JPT2: variants seen among roughly 807,000 people sequenced by gnomAD.
JPT2 encodes the protein Jupiter microtubule associated homolog 2.
In JPT2, 9 loss-of-function variants were observed where a neutral mutation model predicts 15.9. The observed-to-expected ratio is 0.57, with a 90% CI of 0.34 to 0.99. JPT2 has a LOEUF of 0.99. Among genes scored for constraint, JPT2 ranks in the 50% least tolerant of loss-of-function variants. The probability of loss-of-function intolerance (pLI) is 0.02; values close to 1 mark genes in which losing one functional copy is unlikely to be tolerated. For missense variants in JPT2, 267 were observed against 252.1 expected (o/e 1.06, Z -0.40); for synonymous variants, 95 against 91.7 (o/e 1.04, Z -0.21).
chr16:1,699,918 T>G lies in JPT2; in HGVS notation c.*920T>G, dbSNP rs1207554927. ...GCTTGTTTAAATTCTTCCTGTGTCT[T>G]TCTTTATTCCTTAATTGGTTGGTGG... is the stretch of plus-strand genomic sequence containing the variant. On this transcript the variant is annotated 3_prime_UTR_variant, in exon 5 of 5. Transcript: ENST00000248098. 1.7e-5 allele frequency: 5 copies of G among 302,870 alleles called. No individual in the cohort carries two copies. Among genetic ancestry groups the G allele is most frequent in the Admixed American group, 3.9e-5 (1 of 25,936 alleles). 18.8% of individuals were successfully genotyped at this position (302,870 alleles called of 1,614,324 possible).
chr16:1,697,892 G>A, intron 4 of JPT2, 32 bp downstream of exon 4: 1 of 1,598,016 alleles, frequency 6.3e-7, no homozygotes, highest in South Asian at 1.1e-5. Flanking sequence ...CTTCTCCTGA[G>A]TGGCCTCATT....
chr16:1,678,517 C>T (rs1465550619), intron 1 of JPT2, among the ~76,000 whole-genome samples, 161 bp downstream of exon 1: 1 of 152,090 alleles, frequency 6.6e-6, no homozygotes, highest in Non-Finnish European at 1.5e-5. Flanking sequence ...TCTGCGCCGC[C>T]GCCAGACCGA....
chr16:1,682,787 C>T lies in JPT2; in HGVS notation c.45-2652C>T, dbSNP rs73501608. Among the ~76,000 whole-genome samples, 559 of 152,252 alleles carry T rather than the reference C, an allele frequency of 3.7e-3. 4 individuals carry two copies. The highest frequency in any genetic ancestry group is 0.013 in the African/African-American group (532 of 41,556). On this transcript the variant is annotated intron_variant, in intron 1 of 4. Transcript: ENST00000248098. ...CCTCACCTAAAATCTTGTTAAGCCA[C>T]GCCCTCCCACCCACCACCCTTTATT... is the stretch of plus-strand genomic sequence containing the variant.
At chr16:1,680,459 G>T in intron 1 of JPT2, 3 of 1,241,460 alleles carry the variant, frequency 2.4e-6, no homozygotes, top group South Asian at 2.7e-5. Context: ...TTCCTTTTAG[G>T]ATGGTGAGGA....
rs1190392142 is a variant in JPT2, at chr16:1,698,959, G to A, written c.534G>A (p.Leu178=). The A allele has an allele frequency of 1.2e-6, 2 of 1,613,786 alleles. No homozygotes were observed. The highest frequency in any genetic ancestry group is 1.7e-6 in the Non-Finnish European group (2 of 1,179,858). The change falls in exon 5 of 5, where the codon CTG becomes CTA. Residue 178 remains leucine (L), a synonymous_variant. Transcript: ENST00000248098. This position sits in a 1 kb window ranked among gnomAD's most constrained non-coding sequence, Gnocchi z 4.9. The part of the protein sequence containing the change: ...GPRPRSHNKV[L]NPPGGKSSIS... ...GGCCTCGCTCTCACAACAAGGTCCT[G>A]AACCCACCGGGAGGCAAATCCAGCA...
intron 1 of JPT2, among the ~76,000 whole-genome samples, chr16:1,678,850 T>C (rs2036996540): frequency 6.6e-6 from 1 of 152,168 alleles, no homozygotes; most frequent in African/African-American, 2.4e-5. Context: ...CGTGTGGCCG[T>C]GTGCCCGTGT....
At chr16:1,683,454 A>C in intron 1 of JPT2, 1 of 1,194,854 alleles carries the variant, frequency 8.4e-7, no homozygotes, top group Non-Finnish European at 1.2e-6. Context: ...TTTTTAAAAA[A>C]TAATTTTTCT....
intron 3 of JPT2, among the ~76,000 whole-genome samples, chr16:1,697,093 T>C (rs1251931877): frequency 6.6e-6 from 1 of 152,254 alleles, no homozygotes; most frequent in Non-Finnish European, 1.5e-5. Flanking sequence ...ACATGTGGTC[T>C]GTCCATACAA....
intron 3 of JPT2, among the ~76,000 whole-genome samples, chr16:1,693,754 T>A (rs572502742): frequency 3.3e-5 from 5 of 151,518 alleles, no homozygotes; most frequent in Non-Finnish European, 5.9e-5. Context: ...TCAGGGAATA[T>A]ACAAAATAAG....
intron 2 of JPT2, among the ~76,000 whole-genome samples, chr16:1,687,708 G>C (rs2037077765): frequency 6.6e-6 from 1 of 152,194 alleles, no homozygotes; most frequent in South Asian, 2.1e-4. Flanking sequence ...CCAGGTTCCT[G>C]CTTCTCATGG....
chr16:1,685,586 A>T lies in JPT2; in HGVS notation c.192A>T (p.Pro64=). 1 of 1,612,354 alleles carries T rather than the reference A, an allele frequency of 6.2e-7. No individual in the cohort carries two copies. The highest frequency in any genetic ancestry group is 8.5e-7 in the Non-Finnish European group (1 of 1,179,532). ...PQNIPKRTNP[P]GGKGSGIFDE... Reference sequence around the variant, plus strand: ...ACATACCCAAGAGGACAAATCCCCCAGGTATGGGCCTTTGGAAATCCTTAA... The same window carrying T: ...ACATACCCAAGAGGACAAATCCCCCTGGTATGGGCCTTTGGAAATCCTTAA... Residue 64 remains proline (P), a splice_region_variant and synonymous_variant, in exon 2 of 5, where the codon CCA becomes CCT. Coordinates refer to ENST00000248098, the MANE Select transcript of JPT2 (RefSeq NM_144570.3).
At chr16:1,694,963 A>G (rs1449978044) in intron 3 of JPT2, among the ~76,000 whole-genome samples, 1 of 152,236 alleles carries the variant, frequency 6.6e-6, no homozygotes, top group East Asian at 1.9e-4. Flanking sequence ...AGAGGCAACA[A>G]AATTAAAAAT....
intron 2 of JPT2, among the ~76,000 whole-genome samples, chr16:1,687,773 G>A (rs1311265527): frequency 6.6e-6 from 1 of 152,176 alleles, no homozygotes; most frequent in Admixed American, 6.5e-5. Context: ...TTGGAAGACG[G>A]TTTATGGTAT....
Position 1,700,105 on chromosome 16 carries a change from G to A in JPT2, c.*1107G>A. 2.2e-6 allele frequency: 1 copy of A among 455,492 alleles called. No homozygotes were observed. Among genetic ancestry groups the A allele is most frequent in the South Asian group, 1.5e-5 (1 of 64,546 alleles). The allele number at this position is 455,492 out of a possible 1,614,324, so 28.2% of individuals were successfully genotyped here. On this transcript the variant is annotated 3_prime_UTR_variant, in exon 5 of 5. Coordinates refer to ENST00000248098, the MANE Select transcript of JPT2 (RefSeq NM_144570.3). ...GTCAATTGTTCAGGTACACCAAAGA[G>A]GAAGAAGAGCTGTGGAGGCCACCCT...
intron 1 of JPT2, among the ~76,000 whole-genome samples, chr16:1,678,736 C>T (rs2036995020): frequency 6.6e-6 from 1 of 150,384 alleles, no homozygotes; most frequent in Non-Finnish European, 1.5e-5. Flanking sequence ...GGGTGCGGCC[C>T]ATTTTGTCTG....
intron 2 of JPT2, 103 bp downstream of exon 2, chr16:1,685,690 G>T: frequency 8.1e-7 from 1 of 1,239,752 alleles, no homozygotes; most frequent in Non-Finnish European, 1.1e-6. Context: ...GTCTGGTTCA[G>T]GTAATCACTT....
chr16:1,691,769 A>C, intron 2 of JPT2, 74 bp from the exon 3 acceptor site: 2 of 1,497,840 alleles, frequency 1.3e-6, no homozygotes, highest in Non-Finnish European at 8.9e-7. Context: ...AGGTCTCCAA[A>C]GCACTGCGGG....
chr16:1,699,436 T>G lies in JPT2; in HGVS notation c.*438T>G. On this transcript the variant is annotated 3_prime_UTR_variant, in exon 5 of 5. Coordinates refer to ENST00000248098, the MANE Select transcript of JPT2 (RefSeq NM_144570.3). The stretch of plus-strand genomic sequence containing the variant: ...ATATTGACCTCTTAGCAGAACCGCT[T>G]CCATTCTGGAGATCACGGCTGCTAA... The G allele has an allele frequency of 2.7e-6, 1 of 365,748 alleles. No individual in the cohort carries two copies. The highest frequency in any genetic ancestry group is 2.0e-5 in the South Asian group (1 of 49,726). The allele number at this position is 365,748 out of a possible 1,614,324, so 22.7% of individuals were successfully genotyped here.
chr16:1,692,296 G>T (rs985544153), intron 3 of JPT2: 2 of 354,994 alleles, frequency 5.6e-6, no homozygotes, highest in Non-Finnish European at 5.2e-6. Context: ...GGAGCGGAAC[G>T]TGCCGCAGAC....
Sources: allele counts gnomAD v4.1 joint callset (sites outside exome capture counted in the v4.1 genomes callset), GRCh38; gene constraint gnomAD v4.1.1; non-coding constraint Gnocchi (gnomAD v3.1); transcripts MANE v1.5; gene names NCBI Gene and HGNC (gene_info 2026-07-23, HGNC 2026-07-21).